The following PDE11A variants were observed in gnomAD, a reference collection of about 807,000 sequenced individuals.
The protein encoded by PDE11A is phosphodiesterase 11A, also known as dual 3',5'-cyclic-AMP and -GMP phosphodiesterase 11A.
In PDE11A, 100 loss-of-function variants were observed where a neutral mutation model predicts 100.5. The ratio of observed to expected loss-of-function variants is 1.00; its 90% CI spans 0.85 to 1.18. PDE11A has a LOEUF of 1.18. PDE11A is among the 50% of genes most tolerant of loss of function. PDE11A has a pLI of 0.00. For synonymous variants in PDE11A, 381 were observed against 420.8 expected (o/e 0.91, Z 1.16); for missense variants, 1,141 against 1,152.6 (o/e 0.99, Z 0.15).
chr2:178,043,696 T>C (rs2086710848), intron 1 of PDE11A, among the ~76,000 whole-genome samples: 1 of 152,184 alleles, frequency 6.6e-6, no homozygotes, highest in Non-Finnish European at 1.5e-5. Context: ...TGCATTTATG[T>C]ATGCAAAAAT....
intron 16 of PDE11A, among the ~76,000 whole-genome samples, chr2:177,679,513 A>C (rs1042925846): frequency 2.0e-5 from 3 of 152,164 alleles, no homozygotes; most frequent in African/African-American, 7.2e-5. Flanking sequence ...CAGTATGGGA[A>C]TTGGGGGTTG....
intron 15 of PDE11A, among the ~76,000 whole-genome samples, chr2:177,692,801 G>A (rs138292216): frequency 1.3e-5 from 2 of 152,172 alleles, no homozygotes; most frequent in African/African-American, 2.4e-5. Context: ...GAATCCCAAG[G>A]ACACACAAGG....
intron 19 of PDE11A, among the ~76,000 whole-genome samples, chr2:177,637,997 A>ATATATT (rs1433320166): frequency 9.4e-6 from 1 of 106,536 alleles, no homozygotes; most frequent in African/African-American, 4.0e-5. Flanking sequence ...ATATATATAT[A>ATATATT]TTTTTTTTTT....
intron 6 of PDE11A, among the ~76,000 whole-genome samples, chr2:177,835,397 T>C (rs771407507): frequency 6.6e-6 from 1 of 152,192 alleles, no homozygotes; most frequent in African/African-American, 2.4e-5. Context: ...GAGGGGTAAT[T>C]GTGTCCCCCT....
At chr2:177,728,263 C>G in intron 10 of PDE11A, 91 bp from the exon 11 acceptor site, 2 of 1,138,428 alleles carry the variant, frequency 1.8e-6, no homozygotes, top group South Asian at 2.5e-5. Context: ...AGAAGTGCCA[C>G]ATAAATCAGG....
chr2:177,967,152 T>C (rs2085708124), intron 2 of PDE11A, among the ~76,000 whole-genome samples: 1 of 151,860 alleles, frequency 6.6e-6, no homozygotes, highest in Non-Finnish European at 1.5e-5. Context: ...TAATAGTTTC[T>C]GAGGGTGTTT....
At chr2:177,925,472 G>A (rs1247493711) in intron 2 of PDE11A, among the ~76,000 whole-genome samples, 5 of 152,052 alleles carry the variant, frequency 3.3e-5, no homozygotes, top group African/African-American at 1.2e-4. Context: ...GCATTTCTCT[G>A]ATGGCCAGTG....
intron 6 of PDE11A, among the ~76,000 whole-genome samples, chr2:177,839,030 A>G (rs983768994): frequency 6.6e-6 from 1 of 152,240 alleles, no homozygotes; most frequent in Non-Finnish European, 1.5e-5. Flanking sequence ...TAGAAAATAC[A>G]TGGAAAATGT....
chr2:177,816,817 C>A lies in PDE11A; in HGVS notation c.1737+12G>T. ...TGACAGCATACAAACCTGACATAAA[C>A]ACTGTACTTACATCAAGAGCCACAG... On this transcript the variant is annotated intron_variant, in intron 9 of 19. Transcript: ENST00000286063. 6.8e-7 allele frequency: 1 copy of A among 1,479,204 alleles called. No homozygotes were observed. 91.6% of individuals were successfully genotyped at this position (1,479,204 alleles called of 1,614,324 possible).
chr2:177,913,924 C>G (rs1015335599), intron 2 of PDE11A, among the ~76,000 whole-genome samples: 1 of 152,146 alleles, frequency 6.6e-6, no homozygotes, highest in Middle Eastern at 3.4e-3. Context: ...AACATATGCT[C>G]AAAAAATCTT....
intron 19 of PDE11A, among the ~76,000 whole-genome samples, chr2:177,644,338 C>T (rs2080189132): frequency 6.6e-6 from 1 of 152,206 alleles, no homozygotes; most frequent in Non-Finnish European, 1.5e-5. Context: ...AACCTGGATG[C>T]TAAAACTCTT....
chr2:177,935,357 G>A (rs973526331), intron 2 of PDE11A, among the ~76,000 whole-genome samples: 1 of 149,812 alleles, frequency 6.7e-6, no homozygotes, highest in Admixed American at 6.6e-5. Context: ...AAATAGCCAC[G>A]AATTTGCAAA....
At chr2:177,762,559 T>C (rs1296320964) in intron 10 of PDE11A, among the ~76,000 whole-genome samples, 1 of 152,134 alleles carries the variant, frequency 6.6e-6, no homozygotes, top group Non-Finnish European at 1.5e-5. Context: ...CGCCGCTTTG[T>C]TCCTAGCGCT....
intron 3 of PDE11A, among the ~76,000 whole-genome samples, chr2:177,904,521 C>T (rs1018408503): frequency 2.0e-5 from 3 of 151,096 alleles, no homozygotes; most frequent in Non-Finnish European, 4.4e-5. Context: ...AAGGATATAT[C>T]TGCTGCCTTA....
chr2:177,878,396 T>A (rs942550405), intron 4 of PDE11A, among the ~76,000 whole-genome samples: 1 of 152,148 alleles, frequency 6.6e-6, no homozygotes, highest in Non-Finnish European at 1.5e-5. Flanking sequence ...ACATGCTACA[T>A]GCCTTCCAAG....
intron 5 of PDE11A, among the ~76,000 whole-genome samples, chr2:177,842,969 A>C (rs1184229398): frequency 6.6e-6 from 1 of 152,188 alleles, no homozygotes; most frequent in African/African-American, 2.4e-5. Context: ...AATGCATGAG[A>C]TCACTCAGGG....
At chr2:177,849,566 T>A (rs1425273684) in intron 5 of PDE11A, among the ~76,000 whole-genome samples, 2 of 152,122 alleles carry the variant, frequency 1.3e-5, no homozygotes, top group African/African-American at 4.8e-5. Context: ...AGCCAAATCA[T>A]GAGTGAACTC....
intron 1 of PDE11A, among the ~76,000 whole-genome samples, chr2:178,030,422 C>A (rs1473717502): frequency 6.6e-6 from 1 of 152,192 alleles, no homozygotes; most frequent in East Asian, 1.9e-4. Flanking sequence ...CACACACATC[C>A]TCAGATCCAG....
At chr2:178,084,563 T>C (rs749917710) in intron 2 of PDE11A, among the ~76,000 whole-genome samples, 2 of 152,118 alleles carry the variant, frequency 1.3e-5, no homozygotes, top group African/African-American at 2.4e-5. Context: ...AAGTCTGACA[T>C]GGGAGCAGGC....
Sources: allele counts gnomAD v4.1 joint callset (sites outside exome capture counted in the v4.1 genomes callset), GRCh38; gene constraint gnomAD v4.1.1; transcripts MANE v1.5; gene names NCBI Gene and HGNC (gene_info 2026-07-23, HGNC 2026-07-21).